Variants in MYT1L observed in about 807,000 individuals in gnomAD.
The protein encoded by MYT1L is myelin transcription factor 1 like, also known as myelin transcription factor 1-like protein.
In MYT1L, 12 loss-of-function variants were observed where a neutral mutation model predicts 126.7. That is an observed-to-expected ratio of 0.09 (90% confidence interval 0.06 to 0.15). MYT1L has a LOEUF of 0.15. MYT1L is among the 10% of genes least tolerant of loss of function. The pLI is 1.00. For missense variants in MYT1L, 979 were observed against 1,585.2 expected (o/e 0.62, Z 6.49); for synonymous variants, 541 against 604.2 (o/e 0.90, Z 1.53).
At chr2:2,305,465 T>C (rs2095845518) in intron 1 of MYT1L, among the ~76,000 whole-genome samples, 1 of 152,208 alleles carries the variant, frequency 6.6e-6, no homozygotes, top group South Asian at 2.1e-4. Context: ...GTTTTAAAAA[T>C]TATCATTAAA....
chr2:1,926,175 C>G (rs1015907362), intron 9 of MYT1L, among the ~76,000 whole-genome samples: 3 of 152,074 alleles, frequency 2.0e-5, no homozygotes, highest in Admixed American at 6.5e-5. Flanking sequence ...CAAAGCCTGG[C>G]AGGTGAATGG....
At chr2:2,068,512 G>A (rs926970328) in intron 3 of MYT1L, among the ~76,000 whole-genome samples, 3 of 152,010 alleles carry the variant, frequency 2.0e-5, no homozygotes, top group African/African-American at 7.2e-5. Context: ...TTCCATATTA[G>A]CTAAAATTCT....
chr2:1,938,729 T>C (rs2056292657), intron 9 of MYT1L, among the ~76,000 whole-genome samples: 1 of 152,250 alleles, frequency 6.6e-6, no homozygotes, highest in African/African-American at 2.4e-5. Flanking sequence ...GCTTCTGCCC[T>C]ACCCATCTTA....
At chr2:2,276,570 T>C (rs1215681447) in intron 2 of MYT1L, among the ~76,000 whole-genome samples, 1 of 152,178 alleles carries the variant, frequency 6.6e-6, no homozygotes, top group Non-Finnish European at 1.5e-5. Context: ...CACTTCACCT[T>C]GGTCCTCCTG....
chr2:2,045,677 T>G (rs2068096280), intron 4 of MYT1L, among the ~76,000 whole-genome samples: 2 of 151,944 alleles, frequency 1.3e-5, no homozygotes, highest in Non-Finnish European at 2.9e-5. Flanking sequence ...GTACTGTGAA[T>G]GCATTAGAAA....
chr2:2,073,164 T>G (rs893529622), intron 3 of MYT1L, among the ~76,000 whole-genome samples: 2 of 152,144 alleles, frequency 1.3e-5, no homozygotes, highest in South Asian at 4.2e-4. Context: ...GATATTAACA[T>G]AAGGATTTTT....
At chr2:1,989,299 T>G (rs950285069) in intron 5 of MYT1L, among the ~76,000 whole-genome samples, 1 of 152,138 alleles carries the variant, frequency 6.6e-6, no homozygotes, top group African/African-American at 2.4e-5. Flanking sequence ...GCTGAGAGTG[T>G]CTTCTCAGGA....
intron 1 of MYT1L, chr2:2,324,030 C>G (rs541914402): frequency 6.6e-6 from 1 of 152,264 alleles, no homozygotes; most frequent in South Asian, 2.1e-4. Flanking sequence ...CACATGCACA[C>G]GAAGACGGAT....
intron 1 of MYT1L, among the ~76,000 whole-genome samples, chr2:2,295,703 G>C (rs200258019): frequency 8.6e-6 from 1 of 116,810 alleles, no homozygotes; most frequent in Admixed American, 8.2e-5. Context: ...GAGAGAGAGA[G>C]ACAGACAGAC....
chr2:1,902,893 T>C (rs2050542220), intron 14 of MYT1L, 187 bp downstream of exon 14: 2 of 589,518 alleles, frequency 3.4e-6, no homozygotes, highest in Non-Finnish European at 3.0e-6. Flanking sequence ...CCCTGAAGTT[T>C]TGCTCACCTA....
intron 2 of MYT1L, among the ~76,000 whole-genome samples, chr2:2,217,269 T>A (rs1335206814): frequency 6.6e-6 from 1 of 152,070 alleles, no homozygotes; most frequent in Non-Finnish European, 1.5e-5. Context: ...AAACAAAATT[T>A]TAACAGTGAA....
intron 2 of MYT1L, among the ~76,000 whole-genome samples, chr2:2,186,057 C>T (rs1259228634): frequency 1.5e-5 from 2 of 134,080 alleles, no homozygotes; most frequent in African/African-American, 6.4e-5. Context: ...GCCGGGCCTC[C>T]CAGACGCCCG....
At chr2:1,813,948 A>G (rs1308402789) in intron 21 of MYT1L, among the ~76,000 whole-genome samples, 1 of 127,236 alleles carries the variant, frequency 7.9e-6, no homozygotes, top group Non-Finnish European at 1.6e-5. Context: ...AATGGCGCGA[A>G]CCCGGGAGGC....
chr2:1,947,111 A>G (rs551099304), intron 8 of MYT1L, among the ~76,000 whole-genome samples: 146 of 152,150 alleles, frequency 9.6e-4, no homozygotes, highest in African/African-American at 3.2e-3. Context: ...ACTAAAACAG[A>G]TAACTAGGCC....
intron 3 of MYT1L, among the ~76,000 whole-genome samples, chr2:2,108,561 C>T (rs1449270911): frequency 6.6e-5 from 10 of 152,184 alleles, no homozygotes; most frequent in South Asian, 4.1e-4. Context: ...TTGAATTCTC[C>T]TATCACACCA....
At chr2:1,900,289 AC>A (rs2050157576) in intron 14 of MYT1L, among the ~76,000 whole-genome samples, 1 of 150,196 alleles carries the variant, frequency 6.7e-6, no homozygotes, top group Admixed American at 6.6e-5. Flanking sequence ...CCTAGTGGGC[AC>A]TTTCCAGGAG....
chr2:2,055,853 G>T (rs898527113), intron 3 of MYT1L, among the ~76,000 whole-genome samples: 1 of 152,178 alleles, frequency 6.6e-6, no homozygotes, highest in Non-Finnish European at 1.5e-5. Context: ...CTTTAAGCTT[G>T]TTAGCATGTT....
chr2:1,804,695 C>G (rs2035413102), intron 22 of MYT1L, among the ~76,000 whole-genome samples: 1 of 152,232 alleles, frequency 6.6e-6, no homozygotes, highest in Non-Finnish European at 1.5e-5. Flanking sequence ...GCTGGTCACT[C>G]TCACTAATGG....
intron 21 of MYT1L, among the ~76,000 whole-genome samples, chr2:1,837,375 C>G (rs1443326043): frequency 6.6e-6 from 1 of 152,162 alleles, no homozygotes; most frequent in East Asian, 1.9e-4. Flanking sequence ...CATACAAACC[C>G]TTACTCATAG....
Sources: gnomAD v4.1 joint callset for allele counts (sites outside exome capture counted in the v4.1 genomes callset) on GRCh38, gnomAD v4.1.1 for gene constraint, MANE v1.5 for transcripts, NCBI Gene and HGNC (gene_info 2026-07-23, HGNC 2026-07-21) for gene names.